Variants in FANCB observed in about 807,000 individuals in gnomAD.
FANCB encodes the protein FA complementation group B.
A neutral mutation model predicts 38.9 loss-of-function variants in FANCB; 5 were observed. That is an observed-to-expected ratio of 0.13 (90% CI 0.07 to 0.27). The LOEUF (loss-of-function observed/expected upper bound fraction) is 0.27. Ranked by LOEUF, FANCB falls within the 10% of genes least tolerant of loss-of-function variation. FANCB has a pLI of 1.00. For missense variants in FANCB, 573 were observed against 602.7 expected (o/e 0.95, Z 0.52); for synonymous variants, 236 against 215.4 (o/e 1.10, Z -0.84).
At chrX:14,853,739 AC>A (rs2092411779) in intron 5 of FANCB, among the ~76,000 whole-genome samples, 1 of 112,102 alleles carries the variant, frequency 8.9e-6, no homozygotes, top group Admixed American at 9.5e-5. Context: ...TCTACTGAAA[AC>A]TACTGAAAAA....
the FANCB span, among the ~76,000 whole-genome samples, chrX:14,766,864 C>A: frequency 1.8e-5 from 2 of 110,479 alleles, no homozygotes; most frequent in Non-Finnish European, 3.8e-5. Context: ...CAATCAGGCC[C>A]TAATGTGTGT....
the FANCB span, among the ~76,000 whole-genome samples, chrX:14,696,130 G>A: frequency 9.6e-6 from 1 of 104,675 alleles, no homozygotes; most frequent in African/African-American, 3.5e-5. Context: ...AGAGAATGTA[G>A]AAGGGAAGAA....
At chrX:14,705,475 A>C in the FANCB span, among the ~76,000 whole-genome samples, 3 of 111,945 alleles carry the variant, frequency 2.7e-5, no homozygotes, top group African/African-American at 9.7e-5. Flanking sequence ...ATAGCAAAGA[A>C]TCATCTGACC....
chrX:14,764,117 A>G, the FANCB span, among the ~76,000 whole-genome samples: 1 of 111,887 alleles, frequency 8.9e-6, no homozygotes, highest in Non-Finnish European at 1.9e-5. Context: ...TCATAAATCC[A>G]GGCAGAGATT....
the FANCB span, among the ~76,000 whole-genome samples, chrX:14,711,300 C>T: frequency 8.9e-6 from 1 of 112,441 alleles, no homozygotes; most frequent in Non-Finnish European, 1.9e-5. Flanking sequence ...AATCCTACCC[C>T]TTTTTCTATC....
chrX:14,731,728 T>G, the FANCB span: 1 of 111,906 alleles, frequency 8.9e-6, no homozygotes, highest in East Asian at 2.8e-4. Flanking sequence ...TGTAAAAATA[T>G]AATAATTAAA....
chrX:14,767,532 GT>G, the FANCB span, among the ~76,000 whole-genome samples: 2,356 of 105,827 alleles, frequency 0.022, 18 homozygotes, highest in Non-Finnish European at 0.023. Flanking sequence ...ACTTTTCATT[GT>G]TTTTTTTTTC....
At chrX:14,739,531 T>C in the FANCB span, among the ~76,000 whole-genome samples, 1 of 112,097 alleles carries the variant, frequency 8.9e-6, no homozygotes, top group Non-Finnish European at 1.9e-5. Flanking sequence ...ACGAAATAAA[T>C]GTCAAAAGAG....
rs774883903 is a variant in FANCB, at chrX:14,865,414, C to A, written c.97G>T (p.Ala33Ser). 7.4e-6 allele frequency: 9 copies of A among 1,209,409 alleles called. No individual in the cohort carries two copies. Among genetic ancestry groups the A allele is most frequent in the Non-Finnish European group, 9.0e-6 (8 of 893,810 alleles). Reference protein sequence around the residue: ...LVFQLSKGNFADKEPTKTPIL... With the variant: ...LVFQLSKGNFSDKEPTKTPIL... ...GGTGTTTTTGTAGGCTCTTTATCTG[C>A]AAAATTTCCTTTAGACAACTGGAAA... The change falls in exon 3 of 10, where the codon GCA becomes TCA. Residue 33 changes from alanine to serine, a missense_variant. Ala to Ser is a moderately conservative substitution (Grantham distance 99, BLOSUM62 1). Coordinates refer to ENST00000650831, the MANE Select transcript of FANCB (RefSeq NM_001018113.3).
the FANCB span, among the ~76,000 whole-genome samples, chrX:14,689,711 ACT>A: frequency 8.9e-6 from 1 of 111,735 alleles, no homozygotes; most frequent in African/African-American, 3.3e-5. Context: ...AATATAGGAA[ACT>A]CTATTTAAAA....
chrX:14,824,921 G>A, the FANCB span, among the ~76,000 whole-genome samples: 1 of 112,158 alleles, frequency 8.9e-6, no homozygotes, highest in Non-Finnish European at 1.9e-5. Context: ...GAGGACTGCT[G>A]GAAAGGAATT....
the FANCB span, chrX:14,690,579 C>G: frequency 1.7e-5 from 8 of 463,067 alleles, no homozygotes; most frequent in Admixed American, 2.7e-4. Flanking sequence ...GCTGGAAAAT[C>G]ATTGACCAAG....
the FANCB span, among the ~76,000 whole-genome samples, chrX:14,719,268 TGAA>T: frequency 8.9e-6 from 1 of 112,113 alleles, no homozygotes; most frequent in African/African-American, 3.2e-5. Context: ...TAGCTCAACC[TGAA>T]GAATAGGAGA....
chrX:14,849,598 A>G (rs2092392144), intron 7 of FANCB, among the ~76,000 whole-genome samples: 1 of 112,360 alleles, frequency 8.9e-6, no homozygotes. Flanking sequence ...CATGATTTCA[A>G]CATCCCAAAA....
chrX:14,816,065 G>C, the FANCB span, among the ~76,000 whole-genome samples: 1 of 111,775 alleles, frequency 8.9e-6, no homozygotes, highest in Non-Finnish European at 1.9e-5. Flanking sequence ...TGTATACAAT[G>C]TACACTATTT....
At chrX:14,774,838 A>G in the FANCB span, among the ~76,000 whole-genome samples, 1 of 109,891 alleles carries the variant, frequency 9.1e-6, no homozygotes, top group Non-Finnish European at 1.9e-5. Context: ...TTATTTATTT[A>G]TTTATTTATT....
At chrX:14,712,757 G>A in the FANCB span, among the ~76,000 whole-genome samples, 1 of 111,220 alleles carries the variant, frequency 9.0e-6, no homozygotes, top group East Asian at 2.8e-4. Flanking sequence ...AAAACCAAGT[G>A]TTCACAGAAA....
At chrX:14,834,541 A>C, downstream of FANCB, 1 of 504,593 alleles carries the variant, frequency 2.0e-6, no homozygotes, top group East Asian at 3.6e-5. Flanking sequence ...GCAATTCTTC[A>C]CATAACTGAT....
In FANCB at chrX:14,866,370, T is replaced by G. The variant is rs7884953; in HGVS notation, c.-70-790A>C. The stretch of plus-strand genomic sequence containing the variant: ...AGGTACAATACATGCATTATTTAAT[T>G]CTAATAACTATTGTCTTAAAATAAG... On this transcript the variant is annotated intron_variant, in intron 2 of 9. Transcript: ENST00000650831. Among the ~76,000 whole-genome samples, 348 of 112,062 alleles carry G rather than the reference T, an allele frequency of 3.1e-3. 1 individual carries two copies. Among genetic ancestry groups the G allele is most frequent in the African/African-American group, 0.01 (316 of 30,911 alleles).
Sources: allele counts gnomAD v4.1 joint callset (sites outside exome capture counted in the v4.1 genomes callset), GRCh38; gene constraint gnomAD v4.1.1; transcripts MANE v1.5; gene names NCBI Gene and HGNC (gene_info 2026-07-23, HGNC 2026-07-21).